Variants in MALRD1 observed in about 807,000 individuals in gnomAD.
The protein encoded by MALRD1 is MAM and LDL-receptor class A domain-containing protein 1.
In MALRD1, 247 loss-of-function variants were observed where a neutral mutation model predicts 242.1. That is an observed-to-expected ratio of 1.02 (90% CI 0.92 to 1.13). The LOEUF is 1.13. Ranked by LOEUF, MALRD1 falls within the 50% of genes most tolerant of loss-of-function variation. The pLI is 0.00. For synonymous variants in MALRD1, 995 were observed against 866.6 expected (o/e 1.15, Z -2.60); for missense variants, 2,989 against 2,533.1 (o/e 1.18, Z -3.86).
intron 26 of MALRD1, among the ~76,000 whole-genome samples, chr10:19,374,935 G>A (rs1208897794): frequency 6.6e-6 from 1 of 152,124 alleles, no homozygotes; most frequent in East Asian, 1.9e-4. Context: ...TAAATCAGAA[G>A]CAAAGGACAG....
intron 29 of MALRD1, among the ~76,000 whole-genome samples, chr10:19,453,520 C>A (rs1171922518): frequency 6.6e-6 from 1 of 152,040 alleles, no homozygotes; most frequent in Non-Finnish European, 1.5e-5. Context: ...AATTATAAAT[C>A]AATAAAACTT....
chr10:19,696,384 T>C (rs1833379396), intron 38 of MALRD1, among the ~76,000 whole-genome samples: 1 of 152,282 alleles, frequency 6.6e-6, no homozygotes, highest in East Asian at 1.9e-4. Flanking sequence ...ACACCTGAGT[T>C]TGTGGTCAGA....
chr10:19,129,910 A>G (rs961664813), intron 8 of MALRD1, among the ~76,000 whole-genome samples: 2 of 150,286 alleles, frequency 1.3e-5, no homozygotes, highest in African/African-American at 4.9e-5. Context: ...TCATATATAT[A>G]TCACATATCT....
intron 29 of MALRD1, among the ~76,000 whole-genome samples, chr10:19,487,314 T>A (rs1837276888): frequency 6.6e-6 from 1 of 151,904 alleles, no homozygotes; most frequent in Non-Finnish European, 1.5e-5. Context: ...AATCTATCTT[T>A]TCAATTTGCT....
At chr10:19,428,603 T>C (rs1414021140) in intron 28 of MALRD1, among the ~76,000 whole-genome samples, 1 of 152,108 alleles carries the variant, frequency 6.6e-6, no homozygotes, top group Non-Finnish European at 1.5e-5. Flanking sequence ...TTATCTCTTT[T>C]AATGATCACA....
intron 12 of MALRD1, among the ~76,000 whole-genome samples, chr10:19,160,276 G>A (rs533715078): frequency 1.6e-4 from 23 of 148,114 alleles, no homozygotes; most frequent in East Asian, 8.0e-4. Context: ...ATTGATTTGC[G>A]TATATTGAAC....
chr10:19,564,362 G>A (rs1836162845), intron 32 of MALRD1, among the ~76,000 whole-genome samples: 1 of 151,894 alleles, frequency 6.6e-6, no homozygotes, highest in Non-Finnish European at 1.5e-5. Flanking sequence ...TTTAAATTTA[G>A]CAAGTTCTCT....
intron 36 of MALRD1, among the ~76,000 whole-genome samples, chr10:19,681,412 T>A (rs955285225): frequency 7.2e-5 from 11 of 152,216 alleles, no homozygotes; most frequent in Middle Eastern, 3.4e-3. Context: ...AGATAGTCTT[T>A]ACGCTCTGAA....
At chr10:19,061,622 C>A (rs952770609) in intron 1 of MALRD1, among the ~76,000 whole-genome samples, 1 of 151,980 alleles carries the variant, frequency 6.6e-6, no homozygotes, top group Non-Finnish European at 1.5e-5. Flanking sequence ...AATAGAGAGC[C>A]CAGAAATAAA....
intron 28 of MALRD1, among the ~76,000 whole-genome samples, chr10:19,392,914 C>T (rs994611103): frequency 6.6e-6 from 1 of 152,132 alleles, no homozygotes; most frequent in Non-Finnish European, 1.5e-5. Flanking sequence ...AAGCCAAACA[C>T]TGTGTGCATG....
intron 14 of MALRD1, among the ~76,000 whole-genome samples, chr10:19,180,876 A>T (rs879868470): frequency 2.6e-5 from 4 of 152,214 alleles, no homozygotes; most frequent in Non-Finnish European, 5.9e-5. Context: ...AGAAATAGAT[A>T]AATAGATAAA....
chr10:19,389,739 A>C, intron 28 of MALRD1, 130 bp downstream of exon 28: 1 of 959,252 alleles, frequency 1.0e-6, no homozygotes, highest in Non-Finnish European at 1.5e-6. Context: ...TCCTGGACTC[A>C]AGCGATCCTC....
At chr10:19,342,536 C>A (rs964353375) in intron 24 of MALRD1, among the ~76,000 whole-genome samples, 5 of 152,012 alleles carry the variant, frequency 3.3e-5, no homozygotes, top group African/African-American at 1.2e-4. Context: ...GTGCCAAGTA[C>A]TTTTGGAGGG....
intron 36 of MALRD1, among the ~76,000 whole-genome samples, chr10:19,631,812 A>G (rs1839915222): frequency 6.6e-6 from 1 of 151,978 alleles, no homozygotes; most frequent in Non-Finnish European, 1.5e-5. Context: ...TGTTCATGTC[A>G]TTTGCCCACT....
intron 1 of MALRD1, among the ~76,000 whole-genome samples, chr10:19,063,523 T>G (rs980228886): frequency 1.3e-5 from 2 of 152,188 alleles, no homozygotes; most frequent in African/African-American, 2.4e-5. Context: ...GATTGTCACT[T>G]TGGCATATTA....
rs1833091040 is a variant in MALRD1, at chr10:19,131,232, T to C, written c.1111-2624T>C. Among the ~76,000 whole-genome samples the C allele has an allele frequency of 2.0e-5, 3 of 152,308 alleles. No homozygotes were observed. The South Asian group carries it at 6.2e-4, about 32-fold the overall frequency. On this transcript the variant is annotated intron_variant, in intron 8 of 39. Coordinates refer to ENST00000454679, the MANE Select transcript of MALRD1 (RefSeq NM_001142308.3). Reference sequence around the variant, plus strand: ...ATGATGATTTACATCTTTCCATGAATAGAATGCTGTTTTGTGTTGTGAATA... The same window carrying C: ...ATGATGATTTACATCTTTCCATGAACAGAATGCTGTTTTGTGTTGTGAATA...
chr10:19,650,375 T>C (rs942643512), intron 36 of MALRD1, among the ~76,000 whole-genome samples: 1 of 152,104 alleles, frequency 6.6e-6, no homozygotes, highest in Admixed American at 6.6e-5. Context: ...AAAATAACAT[T>C]CAGGCTGAAG....
At chr10:19,465,234 T>C (rs529351696) in intron 29 of MALRD1, among the ~76,000 whole-genome samples, 2 of 152,258 alleles carry the variant, frequency 1.3e-5, no homozygotes, top group African/African-American at 4.8e-5. Context: ...TAGCTAGGGC[T>C]TCCAGTACTC....
chr10:19,454,405 GATATAT>G lies in MALRD1; in HGVS notation c.5029+3937_5029+3942del, dbSNP rs141643131. Among the ~76,000 whole-genome samples, 58 of 80,558 alleles carry G rather than the reference GATATAT, an allele frequency of 7.2e-4. 2 individuals carry two copies. The highest frequency in any genetic ancestry group is 1.1e-3 in the Non-Finnish European group (47 of 41,518). The allele number at this position is 80,558 out of a possible 152,430, so 52.8% of individuals were successfully genotyped here. A position where few individuals can be genotyped will look rare whatever the true frequency, so the allele number is the denominator to read the frequency against. ...ATGAGGAAAGGTAGATTATGCATAT[GATATAT>G]ATATATATATATATATATATAATTA... On this transcript the variant is annotated intron_variant, in intron 29 of 39. Transcript: ENST00000454679.
Sources: gnomAD v4.1 joint callset for allele counts (sites outside exome capture counted in the v4.1 genomes callset) on GRCh38, gnomAD v4.1.1 for gene constraint, MANE v1.5 for transcripts, NCBI Gene and HGNC (gene_info 2026-07-23, HGNC 2026-07-21) for gene names.